CSMD1: variants seen among roughly 807,000 people sequenced by gnomAD.
CSMD1 encodes CUB and sushi domain-containing protein 1.
In CSMD1, 213 loss-of-function variants were observed where a neutral mutation model predicts 417.5. The observed-to-expected ratio is 0.51, with a 90% confidence interval of 0.46 to 0.57. CSMD1 has a LOEUF of 0.57. Ranked by LOEUF, CSMD1 falls within the 20% of genes least tolerant of loss-of-function variation. The pLI, the probability that CSMD1 is intolerant of heterozygous loss-of-function variation, is 0.00. For synonymous variants in CSMD1, 2,862 were observed against 1,736.8 expected (o/e 1.65, Z -16.11); for missense variants, 6,923 against 4,529.7 (o/e 1.53, Z -15.17).
chr8:4,946,115 G>C (rs566045958), intron 1 of CSMD1, among the ~76,000 whole-genome samples: 4 of 152,266 alleles, frequency 2.6e-5, no homozygotes, highest in Admixed American at 6.5e-5. Context: ...ACGTGGCTCT[G>C]AGTCCAATCG....
chr8:3,739,758 G>A (rs1458790119), intron 6 of CSMD1, among the ~76,000 whole-genome samples: 1 of 151,300 alleles, frequency 6.6e-6, no homozygotes, highest in Non-Finnish European at 1.5e-5. Context: ...AATAGCAACA[G>A]ATGCTACAGT....
intron 4 of CSMD1, among the ~76,000 whole-genome samples, chr8:4,007,755 C>G (rs546306970): frequency 6.6e-6 from 1 of 152,196 alleles, no homozygotes; most frequent in East Asian, 1.9e-4. Context: ...AAACAAGCCT[C>G]TATTCATTTG....
At chr8:4,314,569 C>T (rs553440297) in intron 3 of CSMD1, among the ~76,000 whole-genome samples, 1 of 151,478 alleles carries the variant, frequency 6.6e-6, no homozygotes, top group African/African-American at 2.4e-5. Context: ...AGTCCACAAT[C>T]ACTTTTACTT....
intron 10 of CSMD1, among the ~76,000 whole-genome samples, chr8:3,520,719 C>G (rs569772677): frequency 4.6e-5 from 7 of 151,880 alleles, no homozygotes; most frequent in Non-Finnish European, 8.8e-5. Context: ...GCATGGCTGC[C>G]CACCTTTTTT....
intron 18 of CSMD1, among the ~76,000 whole-genome samples, chr8:3,386,687 G>T (rs1388583883): frequency 6.6e-6 from 1 of 152,148 alleles, no homozygotes; most frequent in African/African-American, 2.4e-5. Context: ...TTTTTCCATA[G>T]AAACAATGTG....
At chr8:3,815,353 G>T (rs533993639) in intron 5 of CSMD1, among the ~76,000 whole-genome samples, 1 of 152,222 alleles carries the variant, frequency 6.6e-6, no homozygotes, top group Non-Finnish European at 1.5e-5. Flanking sequence ...AACACATCAG[G>T]AGTTAGAGAA....
At chr8:3,364,507 G>A (rs1043214162) in intron 20 of CSMD1, among the ~76,000 whole-genome samples, 4 of 152,182 alleles carry the variant, frequency 2.6e-5, no homozygotes, top group Non-Finnish European at 4.4e-5. Flanking sequence ...AGTTTATAAT[G>A]ACAGTGTCAG....
chr8:3,330,283 GAC>G (rs1806807248), intron 23 of CSMD1, among the ~76,000 whole-genome samples: 1 of 152,156 alleles, frequency 6.6e-6, no homozygotes, highest in Non-Finnish European at 1.5e-5. Flanking sequence ...CTACCATAAA[GAC>G]ATACTCATGC....
At chr8:4,180,737 A>C (rs1353296620) in intron 3 of CSMD1, among the ~76,000 whole-genome samples, 3 of 152,156 alleles carry the variant, frequency 2.0e-5, no homozygotes, top group African/African-American at 7.2e-5. Flanking sequence ...GAAACATGGC[A>C]CTAACTGTTA....
At chr8:4,388,468 C>T (rs1222230096) in intron 3 of CSMD1, among the ~76,000 whole-genome samples, 3 of 151,020 alleles carry the variant, frequency 2.0e-5, no homozygotes, top group Non-Finnish European at 2.9e-5. Context: ...AAACAAACAT[C>T]ATATGTTCTC....
At chr8:3,633,987 C>A (rs9792169) in intron 7 of CSMD1, among the ~76,000 whole-genome samples, 60,845 of 151,602 alleles carry the variant, frequency 0.4, 12,391 homozygotes, top group Middle Eastern at 0.58. Context: ...ATATGCATGA[C>A]CCTTATATAA....
At chr8:4,547,532 C>G (rs1400100743) in intron 2 of CSMD1, among the ~76,000 whole-genome samples, 1 of 152,180 alleles carries the variant, frequency 6.6e-6, no homozygotes, top group Non-Finnish European at 1.5e-5. Flanking sequence ...ACTCTGCTCT[C>G]ACTGTATTTA....
At chr8:3,418,800 T>G (rs1813313405) in intron 12 of CSMD1, among the ~76,000 whole-genome samples, 1 of 152,114 alleles carries the variant, frequency 6.6e-6, no homozygotes, top group Non-Finnish European at 1.5e-5. Context: ...TAGTAGGAAA[T>G]GAGAAGGAAG....
intron 5 of CSMD1, among the ~76,000 whole-genome samples, chr8:3,940,878 C>T (rs896761551): frequency 1.9e-4 from 11 of 59,220 alleles, no homozygotes; most frequent in African/African-American, 8.9e-4. Flanking sequence ...TTCCTTATGC[C>T]ATCTCCCTTC....
At chr8:3,100,787 G>A (rs946307268) in intron 46 of CSMD1, among the ~76,000 whole-genome samples, 1 of 152,152 alleles carries the variant, frequency 6.6e-6, no homozygotes, top group Non-Finnish European at 1.5e-5. Context: ...AGTACTCTAG[G>A]ATTAATAGCA....
chr8:4,318,036 A>G (rs577304516), intron 3 of CSMD1, among the ~76,000 whole-genome samples: 1 of 152,330 alleles, frequency 6.6e-6, no homozygotes, highest in South Asian at 2.1e-4. Context: ...TATTAGCAAT[A>G]TATAAAATTG....
At chr8:3,834,053 T>C (rs1347160395) in intron 5 of CSMD1, among the ~76,000 whole-genome samples, 1 of 152,184 alleles carries the variant, frequency 6.6e-6, no homozygotes, top group Non-Finnish European at 1.5e-5. Flanking sequence ...ATGTAAAGTT[T>C]GGTCACTACT....
intron 5 of CSMD1, among the ~76,000 whole-genome samples, chr8:3,970,288 G>C (rs538360871): frequency 5.3e-5 from 8 of 152,262 alleles, no homozygotes; most frequent in South Asian, 4.1e-4. Context: ...CTTTGAAACA[G>C]TCTTTCTAAG....
chr8:4,267,878 AT>A (rs1355947871), intron 3 of CSMD1, among the ~76,000 whole-genome samples: 25 of 152,156 alleles, frequency 1.6e-4, no homozygotes, highest in South Asian at 4.2e-4. Context: ...TTGTGATTAA[AT>A]TTTTTTTAAA....
Sources: gnomAD v4.1 joint callset for allele counts (sites outside exome capture counted in the v4.1 genomes callset) on GRCh38, gnomAD v4.1.1 for gene constraint, MANE v1.5 for transcripts, NCBI Gene and HGNC (gene_info 2026-07-23, HGNC 2026-07-21) for gene names.